Variants in POLR1A observed in about 807,000 individuals in gnomAD.
POLR1A encodes the protein DNA-directed RNA polymerase I subunit RPA1.
POLR1A carries 84 observed loss-of-function variants against 205.3 expected under a neutral mutation model. The ratio of observed to expected loss-of-function variants is 0.41; its 90% CI spans 0.34 to 0.49. POLR1A has a LOEUF of 0.49. POLR1A is among the 20% of genes least tolerant of loss of function. The pLI is 0.22. For synonymous variants in POLR1A, 799 were observed against 863.7 expected (o/e 0.93, Z 1.31); for missense variants, 1,645 against 2,204.5 (o/e 0.75, Z 5.08).
intron 9 of POLR1A, among the ~76,000 whole-genome samples, chr2:86,080,447 G>A (rs1673378773): frequency 6.6e-6 from 1 of 152,192 alleles, no homozygotes; most frequent in East Asian, 1.9e-4. Flanking sequence ...AAAGCCTGAG[G>A]GAAGTAGGCT....
intron 31 of POLR1A, among the ~76,000 whole-genome samples, chr2:86,029,512 C>A (rs139867512): frequency 2.6e-5 from 4 of 151,982 alleles, no homozygotes; most frequent in Non-Finnish European, 5.9e-5. Flanking sequence ...CTGGGACCCC[C>A]TTTACCAGAT....
Position 86,048,820 on chromosome 2 carries a change from T to C in POLR1A, c.2634+64A>G. Reference sequence around the variant, plus strand: ...TGTAGGGCCCAGGTGAGAATCAAAATGTAATTTTTTTAAAAATCAGCATTC... The same window carrying C: ...TGTAGGGCCCAGGTGAGAATCAAAACGTAATTTTTTTAAAAATCAGCATTC... On this transcript the variant is annotated intron_variant, in intron 18 of 33. Coordinates refer to ENST00000263857, the MANE Select transcript of POLR1A (RefSeq NM_015425.6). 6 of 1,468,142 alleles carry C rather than the reference T, an allele frequency of 4.1e-6. No individual in the cohort carries two copies. The Middle Eastern group carries it at 8.7e-4, about 213-fold the overall frequency. The allele number at this position is 1,468,142 out of a possible 1,614,324, so 90.9% of individuals were successfully genotyped here.
At chr2:86,055,846 G>C (rs1298659684) in intron 14 of POLR1A, among the ~76,000 whole-genome samples, 1 of 152,166 alleles carries the variant, frequency 6.6e-6, no homozygotes, top group Non-Finnish European at 1.5e-5. Context: ...TAGAAGACTG[G>C]ATGCCTTCTG....
In POLR1A at chr2:86,049,156, T is replaced by C; in HGVS notation, c.2475+4A>G. The C allele has an allele frequency of 6.2e-7, 1 of 1,613,070 alleles. No individual in the cohort carries two copies. Among genetic ancestry groups the C allele is most frequent in the African/African-American group, 1.3e-5 (1 of 75,030 alleles). Reference sequence around the variant, plus strand: ...CAGGCCACGGCCTCGAAGTCCCTCCTTACCTGGGGCCCGCAGTGGGTGGAT... The same window carrying C: ...CAGGCCACGGCCTCGAAGTCCCTCCCTACCTGGGGCCCGCAGTGGGTGGAT... On this transcript the variant is annotated splice_donor_region_variant and intron_variant, in intron 17 of 33. Coordinates refer to ENST00000263857, the MANE Select transcript of POLR1A (RefSeq NM_015425.6).
intron 1 of POLR1A, 57 bp downstream of exon 1, chr2:86,105,643 G>A (rs928416222): frequency 4.0e-6 from 5 of 1,241,164 alleles, no homozygotes; most frequent in Non-Finnish European, 5.9e-6. Flanking sequence ...GGGAATCGTA[G>A]TTTAGGGCGC....
At chr2:86,069,553 A>AG (rs753911071) in intron 13 of POLR1A, among the ~76,000 whole-genome samples, 71 of 152,246 alleles carry the variant, frequency 4.7e-4, no homozygotes, top group Non-Finnish European at 8.5e-4. Flanking sequence ...CAAAGGGGAC[A>AG]GAAGATGCCT....
At chr2:86,076,129 A>G (rs1673279134) in intron 11 of POLR1A, among the ~76,000 whole-genome samples, 1 of 152,228 alleles carries the variant, frequency 6.6e-6, no homozygotes. Context: ...GATACGCTCC[A>G]AGTAAAACAA....
rs1672319700 is a variant in POLR1A, at chr2:86,028,709, G to A, written c.4782C>T (p.Val1594=). Reference sequence around the variant, plus strand: ...TGGAGTAGAGGCGGCGCAGATCCAGGACCTGGAGAGAGGAAGGAAGGGATT... The same window carrying A: ...TGGAGTAGAGGCGGCGCAGATCCAGAACCTGGAGAGAGGAAGGAAGGGATT... The part of the protein sequence containing the change: ...NLPELFKYAE[V]LDLRRLYSND... Residue 1594 remains valine (V), a splice_region_variant and synonymous_variant, in exon 32 of 34, where the codon GTC becomes GTT. Coordinates refer to ENST00000263857, the MANE Select transcript of POLR1A (RefSeq NM_015425.6). This position sits in a 1 kb window ranked among gnomAD's most constrained non-coding sequence, Gnocchi z 4.5. 8 of 1,611,732 alleles carry A rather than the reference G, an allele frequency of 5.0e-6. No individual in the cohort carries two copies. The highest frequency in any genetic ancestry group is 6.8e-6 in the Non-Finnish European group (8 of 1,177,786).
At chr2:86,037,517 C>A (rs1003555743) in intron 27 of POLR1A, among the ~76,000 whole-genome samples, 1 of 152,214 alleles carries the variant, frequency 6.6e-6, no homozygotes, top group South Asian at 2.1e-4. Context: ...CGTGACTCAG[C>A]GACGAATGGG....
chr2:86,034,386 C>T (rs1672458918), intron 27 of POLR1A, among the ~76,000 whole-genome samples: 1 of 152,174 alleles, frequency 6.6e-6, no homozygotes, highest in South Asian at 2.1e-4. Flanking sequence ...TTCGGAAGGG[C>T]TCATCAAAAT....
At chr2:86,047,096 C>T (rs1672722677) in intron 19 of POLR1A, 69 bp downstream of exon 19, 1 of 1,042,382 alleles carries the variant, frequency 9.6e-7, no homozygotes, top group Non-Finnish European at 1.5e-6. Flanking sequence ...CAAACTGAAA[C>T]CACCTCCTGC....
intron 24 of POLR1A, among the ~76,000 whole-genome samples, chr2:86,041,364 T>TGCGC (rs200808965): frequency 1.4e-5 from 2 of 145,858 alleles, no homozygotes; most frequent in African/African-American, 5.2e-5. Context: ...TGTGTGTGTG[T>TGCGC]GCGCGCGCGC....
chr2:86,091,512 A>T (rs1227089401), intron 3 of POLR1A, among the ~76,000 whole-genome samples: 2 of 152,194 alleles, frequency 1.3e-5, no homozygotes, highest in Non-Finnish European at 2.9e-5. Flanking sequence ...TTTTGGGGAC[A>T]TAAACAATAT....
intron 15 of POLR1A, 148 bp from the exon 16 acceptor site, chr2:86,053,148 G>T: frequency 2.4e-6 from 1 of 421,428 alleles, no homozygotes; most frequent in Non-Finnish European, 4.2e-6. Context: ...TAGGGCATAT[G>T]TGAAACTAGT....
Position 86,045,544 on chromosome 2 carries a change from G to C in POLR1A, c.2886+73C>G. 3.3e-6 allele frequency: 5 copies of C among 1,510,454 alleles called. No individual in the cohort carries two copies. In the South Asian group the frequency reaches 5.6e-5, roughly 17 times the overall value. The allele number at this position is 1,510,454 out of a possible 1,614,324, so 93.6% of individuals were successfully genotyped here. A position where few individuals can be genotyped will look rare whatever the true frequency, so the allele number is the denominator to read the frequency against. ...CAGTGTCTTCTGCCCTACCCTGTAG[G>C]GCAGTCATAGTTCACCTACAATTAA... On this transcript the variant is annotated intron_variant, in intron 20 of 33. Transcript: ENST00000263857.
At chr2:86,031,659 T>C (rs1672397238) in intron 29 of POLR1A, 24 bp from the exon 30 acceptor site, 1 of 1,591,882 alleles carries the variant, frequency 6.3e-7, no homozygotes, top group Non-Finnish European at 8.6e-7. Flanking sequence ...GAGCACAGGC[T>C]GTGTCACTTG....
intron 16 of POLR1A, among the ~76,000 whole-genome samples, chr2:86,051,485 C>T (rs1672802217): frequency 6.6e-6 from 1 of 152,200 alleles, no homozygotes; most frequent in Admixed American, 6.5e-5. Flanking sequence ...GCTGCAGGTC[C>T]ACAGGCCCTA....
chr2:86,024,034 C>T lies in POLR1A; in HGVS notation c.*3389G>A, dbSNP rs1024009012. 2 of 151,200 alleles carry T rather than the reference C, an allele frequency of 1.3e-5. No individual in the cohort carries two copies. Among genetic ancestry groups the T allele is most frequent in the Non-Finnish European group, 2.9e-5 (2 of 68,220 alleles). The allele number at this position is 151,200 out of a possible 1,614,324, so 9.4% of individuals were successfully genotyped here. A position where few individuals can be genotyped will look rare whatever the true frequency, so the allele number is the denominator to read the frequency against. On this transcript the variant is annotated 3_prime_UTR_variant, in exon 34 of 34. Coordinates refer to ENST00000263857, the MANE Select transcript of POLR1A (RefSeq NM_015425.6). The stretch of plus-strand genomic sequence containing the variant: ...AACGTATTGGGATTACAGGTGTGAA[C>T]GCCTGGCCTGGCCTCAGATATCTGT...
chr2:86,081,790 G>C, intron 7 of POLR1A, 84 bp from the exon 8 acceptor site: 1 of 787,624 alleles, frequency 1.3e-6, no homozygotes, highest in South Asian at 1.7e-5. Flanking sequence ...ATATTACTGA[G>C]TGAGGAAAAA....
Sources: allele counts gnomAD v4.1 joint callset (sites outside exome capture counted in the v4.1 genomes callset), GRCh38; gene constraint gnomAD v4.1.1; non-coding constraint Gnocchi (gnomAD v3.1); transcripts MANE v1.5; gene names NCBI Gene and HGNC (gene_info 2026-07-23, HGNC 2026-07-21).